Variants in GALNT13 observed in about 807,000 individuals in gnomAD.
The protein encoded by GALNT13 is polypeptide N-acetylgalactosaminyltransferase 13, also known as UDP-GalNAc:polypeptide N-acetylgalactosaminyltransferase 13.
Under a neutral mutation model 64.2 loss-of-function variants are expected in GALNT13, and 28 were observed. The observed-to-expected ratio is 0.44, with a 90% CI of 0.32 to 0.60. The LOEUF (loss-of-function observed/expected upper bound fraction) is 0.60, where lower values mean the gene tolerates loss of function less well. GALNT13 is among the 20% of genes least tolerant of loss of function. The pLI, the probability that GALNT13 is intolerant of heterozygous loss-of-function variation, is 0.05. For synonymous variants in GALNT13, 214 were observed against 224.6 expected (o/e 0.95, Z 0.42); for missense variants, 577 against 669.8 (o/e 0.86, Z 1.53).
chr2:153,920,705 A>G (rs73009824), intron 2 of GALNT13, among the ~76,000 whole-genome samples: 8,513 of 152,250 alleles, frequency 0.056, 354 homozygotes, highest in East Asian at 0.13. Flanking sequence ...AATCTACAGA[A>G]TATGAGAAAA....
intron 9 of GALNT13, among the ~76,000 whole-genome samples, chr2:154,362,877 T>A (rs1473885228): frequency 6.6e-6 from 1 of 152,162 alleles, no homozygotes; most frequent in South Asian, 2.1e-4. Context: ...GGTCAACCTT[T>A]CAAACCCTTT....
chr2:153,437,964 C>T, the GALNT13 span, among the ~76,000 whole-genome samples: 59 of 152,192 alleles, frequency 3.9e-4, no homozygotes, highest in Non-Finnish European at 5.0e-4. Context: ...TGGCTGGTAG[C>T]GGTTGTTCCT....
chr2:153,542,680 G>A, the GALNT13 span, among the ~76,000 whole-genome samples: 1 of 152,142 alleles, frequency 6.6e-6, no homozygotes, highest in Non-Finnish European at 1.5e-5. Context: ...GGGGGATTCT[G>A]GCTAAACAAC....
chr2:153,921,553 G>T (rs1454628753), intron 2 of GALNT13, among the ~76,000 whole-genome samples: 2 of 152,002 alleles, frequency 1.3e-5, no homozygotes, highest in South Asian at 2.1e-4. Flanking sequence ...CTGTACACCA[G>T]TCCCCTGTGA....
the GALNT13 span, among the ~76,000 whole-genome samples, chr2:153,673,701 G>T: frequency 1.3e-5 from 2 of 152,254 alleles, no homozygotes; most frequent in Non-Finnish European, 2.9e-5. Context: ...TGGAAGTTCT[G>T]GCCAGGGCAA....
At chr2:154,033,955 A>G (rs1027078371) in intron 3 of GALNT13, among the ~76,000 whole-genome samples, 1 of 152,110 alleles carries the variant, frequency 6.6e-6, no homozygotes, top group Admixed American at 6.6e-5. Context: ...ACAAGCAAAC[A>G]AACAAACAAA....
chr2:154,225,203 CTG>C (rs1314295049), intron 4 of GALNT13, among the ~76,000 whole-genome samples: 16 of 110,022 alleles, frequency 1.5e-4, no homozygotes, highest in African/African-American at 3.1e-4. Flanking sequence ...GATACAGAGA[CTG>C]AGAGACTGAG....
chr2:153,753,290 T>G, the GALNT13 span, among the ~76,000 whole-genome samples: 2 of 152,166 alleles, frequency 1.3e-5, no homozygotes, highest in African/African-American at 4.8e-5. Context: ...TCCCGGATGG[T>G]CTTGATACTT....
chr2:154,358,749 A>G (rs1001264540), intron 9 of GALNT13, among the ~76,000 whole-genome samples: 4 of 152,048 alleles, frequency 2.6e-5, no homozygotes, highest in Admixed American at 1.3e-4. Context: ...CATCATTCCA[A>G]TGTTTACGCT....
chr2:154,437,627 C>A, intron 11 of GALNT13: 1 of 781,102 alleles, frequency 1.3e-6, no homozygotes, highest in South Asian at 1.4e-5. Context: ...GAGGCCGAGG[C>A]AGGTGGATCA....
intron 3 of GALNT13, among the ~76,000 whole-genome samples, chr2:154,118,908 A>G (rs1452084783): frequency 6.6e-6 from 1 of 152,062 alleles, no homozygotes; most frequent in Non-Finnish European, 1.5e-5. Context: ...GTATCCCTTG[A>G]TAATTTATTT....
chr2:153,739,935 C>G, the GALNT13 span, among the ~76,000 whole-genome samples: 8 of 151,848 alleles, frequency 5.3e-5, no homozygotes, highest in South Asian at 1.7e-3. Context: ...TAATAGAACT[C>G]ACCAATGAGA....
chr2:153,609,603 C>T, the GALNT13 span, among the ~76,000 whole-genome samples: 1 of 152,114 alleles, frequency 6.6e-6, no homozygotes. Flanking sequence ...GAAAGTAGCC[C>T]TTTGTTTCTC....
rs947926581 is a variant in GALNT13, at chr2:153,930,744, G to T, written c.-104-13650G>T. The stretch of plus-strand genomic sequence containing the variant: ...CTGTAGTCTTGTGGTATAGTTTGAA[G>T]TCAGGTAGTGTGATTCCTCTGGCTT... On this transcript the variant is annotated intron_variant, in intron 2 of 12. Coordinates refer to ENST00000392825, the MANE Select transcript of GALNT13 (RefSeq NM_052917.4). 2.0e-5 allele frequency among the ~76,000 whole-genome samples: 3 copies of T among 152,114 alleles called. No individual in the cohort carries two copies. In the East Asian group the frequency reaches 5.8e-4, roughly 29 times the overall value.
the GALNT13 span, among the ~76,000 whole-genome samples, chr2:153,554,001 G>T: frequency 6.6e-6 from 1 of 152,002 alleles, no homozygotes; most frequent in South Asian, 2.1e-4. Context: ...TCTTGTGTTT[G>T]GCACAAACTG....
At chr2:154,031,621 A>T (rs922151963) in intron 3 of GALNT13, among the ~76,000 whole-genome samples, 2 of 152,016 alleles carry the variant, frequency 1.3e-5, no homozygotes, top group Non-Finnish European at 2.9e-5. Context: ...ATATCATTAG[A>T]CTTTAAATAA....
chr2:154,205,257 C>T (rs746839093), intron 4 of GALNT13, among the ~76,000 whole-genome samples: 2 of 152,132 alleles, frequency 1.3e-5, no homozygotes, highest in Non-Finnish European at 2.9e-5. Context: ...ATGGTATTCA[C>T]ATACTTTTAC....
the GALNT13 span, among the ~76,000 whole-genome samples, chr2:153,333,922 C>A: frequency 6.6e-6 from 1 of 152,122 alleles, no homozygotes; most frequent in Admixed American, 6.5e-5. Context: ...CTTTCCTGAA[C>A]CCTAGGATGA....
At chr2:153,913,607 G>T (rs1689132225) in intron 2 of GALNT13, among the ~76,000 whole-genome samples, 1 of 152,166 alleles carries the variant, frequency 6.6e-6, no homozygotes, top group Non-Finnish European at 1.5e-5. Flanking sequence ...GCCAACTGAA[G>T]GGTCCATGGT....
Sources: gnomAD v4.1 joint callset for allele counts (sites outside exome capture counted in the v4.1 genomes callset) on GRCh38, gnomAD v4.1.1 for gene constraint, MANE v1.5 for transcripts, NCBI Gene and HGNC (gene_info 2026-07-23, HGNC 2026-07-21) for gene names.